The following ECHDC2 variants were observed in gnomAD, a reference collection of about 807,000 sequenced individuals.
ECHDC2 encodes the protein enoyl-CoA hydratase domain-containing protein 2, mitochondrial.
A neutral mutation model predicts 40.6 loss-of-function variants in ECHDC2; 34 were observed. That is an observed-to-expected ratio of 0.84 (90% confidence interval 0.64 to 1.11). The LOEUF is 1.11. ECHDC2 is among the 50% of genes most tolerant of loss of function. The probability of loss-of-function intolerance (pLI) is 0.00; values close to 1 mark genes in which losing one functional copy is unlikely to be tolerated. For missense variants in ECHDC2, 392 were observed against 400.7 expected, an observed-to-expected ratio of 0.98 and a Z score of 0.19; for synonymous variants, 162 against 166.6, an observed-to-expected ratio of 0.97 and a Z score of 0.21.
intron 3 of ECHDC2, among the ~76,000 whole-genome samples, chr1:52,908,512 AAG>A: frequency 6.6e-6 from 1 of 152,326 alleles, no homozygotes; most frequent in South Asian, 2.1e-4. Context: ...AAGAAGAAAA[AAG>A]AAAAAAAAGA....
intron 3 of ECHDC2, among the ~76,000 whole-genome samples, chr1:52,909,012 A>ACTTG (rs1648720362): frequency 6.6e-6 from 1 of 151,944 alleles, no homozygotes; most frequent in Non-Finnish European, 1.5e-5. Context: ...GTCAATAAGC[A>ACTTG]CTTGAAAAGT....
At position 52,906,539 on chromosome 1, in the gene ECHDC2, G is replaced by A; in HGVS notation, c.437C>T (p.Ala146Val). 1 of 1,612,312 alleles carries A rather than the reference G, an allele frequency of 6.2e-7. No homozygotes were observed. The highest frequency in any genetic ancestry group is 1.1e-5 in the South Asian group (1 of 90,846). ...ALGGGLELAL[A>V]CDLRVAASSA... ...AGTACCTGCCACTCGGAGGTCACAG[G>A]CCAGGGCAAGCTCTAGGCCTCCGCC... The change falls in exon 5 of 10, where the codon GCC (alanine) becomes GTC (valine). Residue 146 changes from alanine (A) to valine (V), a missense_variant. Transcript: ENST00000371522.
In ECHDC2 at chr1:52,906,527, C is replaced by A. The variant is rs76267730; in HGVS notation, c.449G>T (p.Arg150Leu). Residue 150 changes from arginine to leucine, a missense_variant, in exon 5 of 10, where the codon CGA (arginine) becomes CTA (leucine). By Grantham distance (102) the Arg-to-Leu change is moderately radical. Transcript: ENST00000371522. ...CAGTCCTGGCCCAGTACCTGCCACTCGGAGGTCACAGGCCAGGGCAAGCTC... is the reference window on the plus strand; with the variant it reads ...CAGTCCTGGCCCAGTACCTGCCACTAGGAGGTCACAGGCCAGGGCAAGCTC... ...GLELALACDL[R>L]VAASSAVMGL... 1,644 of 1,611,340 alleles carry A rather than the reference C, an allele frequency of 1.0e-3. 15 individuals are homozygous for A. In the African/African-American group the frequency reaches 0.019, roughly 19 times the overall value.
At position 52,899,285 on chromosome 1, in the gene ECHDC2, A is replaced by C. The variant is rs1328006837; in HGVS notation, c.703-61T>G. On this transcript the variant is annotated intron_variant, in intron 7 of 9. Coordinates refer to ENST00000371522, the MANE Select transcript of ECHDC2 (RefSeq NM_001198961.2). ...ATCAAGGCTGATAGTTGCAGGTCTG[A>C]GGTGCACAGCTTTGTTTTAAAGGAG... The C allele has an allele frequency of 3.1e-5, 47 of 1,527,954 alleles. 1 individual carries two copies. Among genetic ancestry groups the C allele is most frequent in the Non-Finnish European group, 6.3e-6 (7 of 1,108,194 alleles). 94.6% of individuals were successfully genotyped at this position (1,527,954 alleles called of 1,614,324 possible).
At chr1:52,904,559 G>A (rs1244114025) in intron 7 of ECHDC2, 87 bp downstream of exon 7, 33 of 1,207,950 alleles carry the variant, frequency 2.7e-5, no homozygotes, top group Non-Finnish European at 3.7e-5. Context: ...CTGGGAGAAT[G>A]GATGTGCAGC....
At chr1:52,912,077 G>C in intron 1 of ECHDC2, 1 of 1,352,680 alleles carries the variant, frequency 7.4e-7, no homozygotes, top group Non-Finnish European at 9.5e-7. Context: ...GCCCTTGCCT[G>C]CTTCTGCTGT....
chr1:52,915,358 C>G (rs555946553), intron 1 of ECHDC2: 36 of 455,956 alleles, frequency 7.9e-5, no homozygotes, highest in South Asian at 5.6e-4. Context: ...CACAGAAAGG[C>G]CAATGAAAGT....
chr1:52,917,393 A>G (rs1650950387), intron 1 of ECHDC2, among the ~76,000 whole-genome samples: 1 of 152,194 alleles, frequency 6.6e-6, no homozygotes. Context: ...AGCCTAGAAG[A>G]GAGACAAGTT....
intron 7 of ECHDC2, among the ~76,000 whole-genome samples, chr1:52,904,262 G>A (rs1187510995): frequency 1.3e-5 from 2 of 152,198 alleles, no homozygotes; most frequent in African/African-American, 4.8e-5. Flanking sequence ...CAAGCCACAT[G>A]TGGCTATTAG....
At chr1:52,897,530 T>A (rs374201494) in intron 8 of ECHDC2, 46 bp from the exon 9 acceptor site, 1 of 1,606,446 alleles carries the variant, frequency 6.2e-7, no homozygotes, top group Non-Finnish European at 8.5e-7. Context: ...CTTGTCCATC[T>A]TCACCCACAC....
chr1:52,912,734 CAG>C (rs1032969875), intron 1 of ECHDC2: 1 of 151,686 alleles, frequency 6.6e-6, no homozygotes, highest in African/African-American at 2.4e-5. Context: ...TTTTTTGAGA[CAG>C]AGTTTCACTC....
rs1160303779 is a variant in ECHDC2, at chr1:52,906,787, C to T, written c.365-176G>A. 5.7e-5 allele frequency among the ~76,000 whole-genome samples: 8 copies of T among 140,498 alleles called. No individual in the cohort carries two copies. In the East Asian group the frequency reaches 8.5e-4, roughly 15 times the overall value. 92.2% of individuals were successfully genotyped at this position (140,498 alleles called of 152,430 possible). A position where few individuals can be genotyped will look rare whatever the true frequency, so the allele number is the denominator to read the frequency against. On this transcript the variant is annotated intron_variant, in intron 4 of 9. Coordinates refer to ENST00000371522, the MANE Select transcript of ECHDC2 (RefSeq NM_001198961.2). Reference sequence around the variant, plus strand: ...TTCTTTTTTTTTTTTTTTTTTGAGACGGAGTCTTGTTCTGTCACCCAGGCT... The same window carrying T: ...TTCTTTTTTTTTTTTTTTTTTGAGATGGAGTCTTGTTCTGTCACCCAGGCT...
Position 52,904,811 on chromosome 1 carries a change from A to G in ECHDC2, c.537T>C (p.Arg179=). ...PGAGGTQRLP[R]CLGVALAKEL... ...CCTTCGCCAGGGCCACCCCCAGACA[A>G]CGGGGCAGCCTCTGAGTCCCTCCTA... Residue 179 remains arginine, a synonymous_variant, in exon 7 of 10, where the codon CGT becomes CGC. Coordinates refer to ENST00000371522, the MANE Select transcript of ECHDC2 (RefSeq NM_001198961.2). The G allele has an allele frequency of 2.5e-6, 4 of 1,612,882 alleles. No homozygotes were observed. Among genetic ancestry groups the G allele is most frequent in the Non-Finnish European group, 3.4e-6 (4 of 1,179,690 alleles).
At chr1:52,907,685 A>G (rs1648261511) in intron 4 of ECHDC2, 183 bp downstream of exon 4, 2 of 569,774 alleles carry the variant, frequency 3.5e-6, no homozygotes, top group Non-Finnish European at 6.2e-6. Context: ...CTGAAGAGCC[A>G]GAACTCCCTC....
chr1:52,907,214 A>G (rs900714675), intron 4 of ECHDC2: 6 of 151,268 alleles, frequency 4.0e-5, no homozygotes, highest in Non-Finnish European at 8.8e-5. Flanking sequence ...CTCAGAAGCC[A>G]ATTTTCCCTT....
At chr1:52,917,494 AGAG>A (rs1650971806) in intron 1 of ECHDC2, 1 of 451,702 alleles carries the variant, frequency 2.2e-6, no homozygotes, top group African/African-American at 2.0e-5. Flanking sequence ...AAAGGAAGGA[AGAG>A]GAGCCAAGTC....
Position 52,904,802 on chromosome 1 carries a change from C to T in ECHDC2, c.546G>A (p.Gly182=). ...AGATGAGCTCCTTCGCCAGGGCCAC[C>T]CCCAGACAACGGGGCAGCCTCTGAG... The part of the protein sequence containing the change: ...GGTQRLPRCL[G]VALAKELIFT... The change falls in exon 7 of 10, where the codon GGG becomes GGA. Residue 182 remains glycine, a synonymous_variant. Coordinates refer to ENST00000371522, the MANE Select transcript of ECHDC2 (RefSeq NM_001198961.2). The T allele has an allele frequency of 6.2e-7, 1 of 1,612,976 alleles. No individual in the cohort carries two copies. The highest frequency in any genetic ancestry group is 8.5e-7 in the Non-Finnish European group (1 of 1,179,772).
Position 52,911,825 on chromosome 1 carries a change from T to G in ECHDC2, c.122-35A>C, listed in dbSNP as rs776260659. 4 of 1,612,250 alleles carry G rather than the reference T, an allele frequency of 2.5e-6. No homozygotes were observed. In the South Asian group the frequency reaches 4.4e-5, roughly 18 times the overall value. On this transcript the variant is annotated intron_variant, in intron 1 of 9. Transcript: ENST00000371522. ...GTCAGGGCAGCCACGGGAAAGCAGCTGGCTCTGCCTAATCCTGGGCTGCGG... is the reference window on the plus strand; with the variant it reads ...GTCAGGGCAGCCACGGGAAAGCAGCGGGCTCTGCCTAATCCTGGGCTGCGG...
chr1:52,919,146 T>C (rs1651369606), intron 1 of ECHDC2, among the ~76,000 whole-genome samples: 2 of 152,064 alleles, frequency 1.3e-5, no homozygotes, highest in African/African-American at 4.8e-5. Flanking sequence ...CGCCCGCAAG[T>C]CCATGGAAAA....
Sources: gnomAD v4.1 joint callset for allele counts (sites outside exome capture counted in the v4.1 genomes callset) on GRCh38, gnomAD v4.1.1 for gene constraint, MANE v1.5 for transcripts, NCBI Gene and HGNC (gene_info 2026-07-23, HGNC 2026-07-21) for gene names.